The following ADAM9 variants were observed in gnomAD, a reference collection of about 807,000 sequenced individuals.
ADAM9 encodes disintegrin and metalloproteinase domain-containing protein 9.
In ADAM9, 54 loss-of-function variants were observed where a neutral mutation model predicts 108.1. The ratio of observed to expected loss-of-function variants is 0.50; its 90% confidence interval spans 0.40 to 0.63. The LOEUF (loss-of-function observed/expected upper bound fraction) is 0.63. Ranked by LOEUF, ADAM9 falls within the 20% of genes least tolerant of loss-of-function variation. The probability of loss-of-function intolerance (pLI) is 0.00; values close to 1 mark genes in which losing one functional copy is unlikely to be tolerated. For missense variants in ADAM9, 830 were observed against 997.7 expected (o/e 0.83, Z 2.26); for synonymous variants, 316 against 336.0 (o/e 0.94, Z 0.65).
chr8:39,065,724 T>C (rs1400915927), intron 14 of ADAM9, among the ~76,000 whole-genome samples: 3 of 150,494 alleles, frequency 2.0e-5, no homozygotes, highest in African/African-American at 4.9e-5. Flanking sequence ...ACATCTCTCA[T>C]GTTTGTCAGT....
chr8:39,055,604 G>C lies in ADAM9; in HGVS notation c.1423G>C (p.Gly475Arg). 6.2e-7 allele frequency: 1 copy of C among 1,613,652 alleles called. No individual in the cohort carries two copies. The highest frequency in any genetic ancestry group is 2.2e-5 in the East Asian group (1 of 44,852). ...RFLPGGTLCR[G>R]KTSECDVPEY... is the part of the protein sequence containing the mutation. Reference sequence around the variant, plus strand: ...CCTTCCAGGAGGTACTTTATGCCGAGGAAAAACCAGTGAGTGTGATGTTCC... The same window carrying C: ...CCTTCCAGGAGGTACTTTATGCCGACGAAAAACCAGTGAGTGTGATGTTCC... Residue 475 changes from glycine (G) to arginine (R), a missense_variant, in exon 14 of 22, where the codon GGA becomes CGA. Transcript: ENST00000487273.
intron 11 of ADAM9, among the ~76,000 whole-genome samples, chr8:39,035,237 A>G (rs1012662531): frequency 6.6e-6 from 1 of 152,134 alleles, no homozygotes; most frequent in Admixed American, 6.5e-5. Context: ...TATCCATTGA[A>G]TTATTAATTT....
chr8:39,061,516 T>G lies in ADAM9; in HGVS notation c.1591+5744T>G, dbSNP rs575309668. Among the ~76,000 whole-genome samples the G allele has an allele frequency of 4.6e-5, 7 of 152,336 alleles. No homozygotes were observed. In the South Asian group the frequency reaches 1.4e-3, roughly 32 times the overall value. On this transcript the variant is annotated intron_variant, in intron 14 of 21. Transcript: ENST00000487273. ...TCTGTGTTCCTGAAAGGTCGAATTT[T>G]TTTCTCAGTGCACAGTGTCTTAGTC...
At chr8:39,088,728 G>A (rs10095517) in intron 18 of ADAM9, among the ~76,000 whole-genome samples, 124,826 of 152,200 alleles carry the variant, frequency 0.82, 51,698 homozygotes, top group East Asian at 0.95. Flanking sequence ...TCTAGAAGGC[G>A]TAAAAATAAG....
At chr8:39,035,501 T>C (rs1044328859) in intron 11 of ADAM9, among the ~76,000 whole-genome samples, 1 of 152,224 alleles carries the variant, frequency 6.6e-6, no homozygotes, top group African/African-American at 2.4e-5. Flanking sequence ...ATTGTGTAGC[T>C]GTTATATTTA....
At chr8:39,065,799 C>T (rs370678805) in intron 14 of ADAM9, among the ~76,000 whole-genome samples, 11 of 151,392 alleles carry the variant, frequency 7.3e-5, no homozygotes, top group South Asian at 2.1e-4. Flanking sequence ...ATGTGCACAA[C>T]GTGCAGGTTT....
intron 3 of ADAM9, among the ~76,000 whole-genome samples, chr8:39,013,225 T>G (rs1218968005): frequency 6.6e-6 from 1 of 152,148 alleles, no homozygotes; most frequent in Non-Finnish European, 1.5e-5. Context: ...CCTCCATACT[T>G]AGGAGGTTAA....
rs1379823888 is a variant in ADAM9, at chr8:39,002,318, T to TTC, written c.97+5159_97+5160insCT. 1.1e-4 allele frequency among the ~76,000 whole-genome samples: 15 copies of TTC among 138,280 alleles called. No individual in the cohort carries two copies. In the East Asian group the frequency reaches 3.1e-3, roughly 29 times the overall value. 90.7% of individuals were successfully genotyped at this position (138,280 alleles called of 152,430 possible). The stretch of plus-strand genomic sequence containing the variant: ...TTTGCAATTAGGTAGAATTCTTTTT[T>TTC]TTTTTTTTTTTTTTTTTTGAGACAG... On this transcript the variant is annotated intron_variant, in intron 1 of 21. Transcript: ENST00000487273.
At chr8:39,067,902 A>G (rs1838538580) in intron 14 of ADAM9, among the ~76,000 whole-genome samples, 1 of 152,026 alleles carries the variant, frequency 6.6e-6, no homozygotes, top group Non-Finnish European at 1.5e-5. Context: ...GGCTCTTATT[A>G]TTTTGAGATA....
At chr8:39,091,519 G>C (rs190470005) in intron 20 of ADAM9, among the ~76,000 whole-genome samples, 173 bp downstream of exon 20, 1 of 152,262 alleles carries the variant, frequency 6.6e-6, no homozygotes, top group East Asian at 1.9e-4. Flanking sequence ...ACAGAGCCTT[G>C]CTCTGTTGCC....
chr8:39,000,291 CCT>C (rs1422762255), intron 1 of ADAM9, among the ~76,000 whole-genome samples: 1 of 152,142 alleles, frequency 6.6e-6, no homozygotes, highest in African/African-American at 2.4e-5. Flanking sequence ...CGCGCCCCAG[CCT>C]CTCTCACAGT....
At chr8:39,037,723 A>G (rs1364388928) in intron 11 of ADAM9, among the ~76,000 whole-genome samples, 4 of 152,290 alleles carry the variant, frequency 2.6e-5, no homozygotes, top group African/African-American at 9.6e-5. Flanking sequence ...AGAAAACATT[A>G]TTGCATGTAT....
chr8:39,088,267 C>A (rs1839237220), intron 18 of ADAM9, among the ~76,000 whole-genome samples: 1 of 132,784 alleles, frequency 7.5e-6, no homozygotes, highest in Non-Finnish European at 1.6e-5. Context: ...TAGTTTTATA[C>A]AACTTTTTTT....
rs1372195436 is a variant in ADAM9 at position 39,045,355 on chromosome 8, T to TACACGC, written c.1302+3241_1302+3242insCGCACA. ...GTGTACACCTATACATGTGTGTACA[T>TACACGC]ACATATAGGTGTGTGTACATACACC... On this transcript the variant is annotated intron_variant, in intron 12 of 21. Transcript: ENST00000487273. 2.3e-3 allele frequency among the ~76,000 whole-genome samples: 273 copies of TACACGC among 117,138 alleles called. 38 individuals carry two copies. Among genetic ancestry groups the TACACGC allele is most frequent in the African/African-American group, 7.3e-3 (207 of 28,416 alleles). The allele number at this position is 117,138 out of a possible 152,430, so 76.8% of individuals were successfully genotyped here.
intron 11 of ADAM9, among the ~76,000 whole-genome samples, chr8:39,039,026 G>C (rs903795764): frequency 1.3e-5 from 2 of 152,056 alleles, no homozygotes; most frequent in Non-Finnish European, 2.9e-5. Context: ...TCCAATCCAA[G>C]AGGCAGGAGT....
intron 14 of ADAM9, among the ~76,000 whole-genome samples, chr8:39,064,060 A>G (rs2129440173): frequency 6.6e-6 from 1 of 152,286 alleles, no homozygotes; most frequent in Admixed American, 6.5e-5. Context: ...GTCCAGTAAA[A>G]TAAGGAGCAA....
At chr8:39,031,366 T>C (rs2129434977) in intron 11 of ADAM9, among the ~76,000 whole-genome samples, 1 of 152,342 alleles carries the variant, frequency 6.6e-6, no homozygotes, top group South Asian at 2.1e-4. Context: ...ATCAGTTAGC[T>C]GTATTTATGT....
intron 11 of ADAM9, among the ~76,000 whole-genome samples, chr8:39,034,142 C>G (rs1213286160): frequency 4.6e-5 from 7 of 152,202 alleles, no homozygotes. Flanking sequence ...ATCCTCCCAC[C>G]TTAGCCTCCT....
At chr8:39,103,372 C>T (rs1317197748) in intron 21 of ADAM9, among the ~76,000 whole-genome samples, 1 of 151,766 alleles carries the variant, frequency 6.6e-6, no homozygotes, top group Admixed American at 6.6e-5. Flanking sequence ...AAACTAGAAC[C>T]TTCATACAAC....
Sources: allele counts gnomAD v4.1 joint callset (sites outside exome capture counted in the v4.1 genomes callset), GRCh38; gene constraint gnomAD v4.1.1; transcripts MANE v1.5; gene names NCBI Gene and HGNC (gene_info 2026-07-23, HGNC 2026-07-21).